The following ASXL1 variants were observed in gnomAD, a reference collection of about 807,000 sequenced individuals.
ASXL1 encodes ASXL transcriptional regulator 1.
ASXL1 carries 65 observed loss-of-function variants against 89.1 expected under a neutral mutation model. That is an observed-to-expected ratio of 0.73 (90% CI 0.60 to 0.90). The LOEUF is 0.90. Ranked by LOEUF, ASXL1 falls within the 40% of genes least tolerant of loss-of-function variation. The pLI is 0.00. For synonymous variants in ASXL1, 739 were observed against 746.9 expected, an observed-to-expected ratio of 0.99 and a Z score of 0.17; for missense variants, 1,786 against 1,942.9, an observed-to-expected ratio of 0.92 and a Z score of 1.52.
At chr20:32,381,873 T>C (rs1427246249) in intron 4 of ASXL1, among the ~76,000 whole-genome samples, 2 of 151,952 alleles carry the variant, frequency 1.3e-5, no homozygotes, top group African/African-American at 4.8e-5. Flanking sequence ...TTTATATCAG[T>C]TTTTGTTATA....
chr20:32,437,888 AG>A lies in ASXL1; in HGVS notation c.*551del, dbSNP rs1397151052. Reference sequence around the variant, plus strand: ...AGTTGAGTCATTTGCCAGTTGACGGAGCAAGTTTGACCTTGGTTCTGTTGCT... The same window carrying A: ...AGTTGAGTCATTTGCCAGTTGACGGACAAGTTTGACCTTGGTTCTGTTGCT... On this transcript the variant is annotated 3_prime_UTR_variant, in exon 13 of 13. Coordinates refer to ENST00000375687, the MANE Select transcript of ASXL1 (RefSeq NM_015338.6). 22 of 240,708 alleles carry A rather than the reference AG, an allele frequency of 9.1e-5. No individual in the cohort carries two copies. Among genetic ancestry groups the A allele is most frequent in the Non-Finnish European group, 1.5e-4 (18 of 122,468 alleles). 14.9% of individuals were successfully genotyped at this position (240,708 alleles called of 1,614,324 possible). A position where few individuals can be genotyped will look rare whatever the true frequency, so the allele number is the denominator to read the frequency against.
intron 4 of ASXL1, among the ~76,000 whole-genome samples, chr20:32,414,451 G>A (rs2049102411): frequency 6.6e-6 from 1 of 150,966 alleles, no homozygotes; most frequent in Non-Finnish European, 1.5e-5. Context: ...GTACGTGTCT[G>A]TGGTCCCGAC....
rs2012076564 is a variant in ASXL1 at position 32,439,026 on chromosome 20, A to G, written c.*1688A>G. ...ATTTTATCTGAAAGGTTTTTTTCTC[A>G]TTTAATCTGATGTGGCATTTTCGTC... On this transcript the variant is annotated 3_prime_UTR_variant, in exon 13 of 13. Transcript: ENST00000375687. 1 of 233,612 alleles carries G rather than the reference A, an allele frequency of 4.3e-6. No homozygotes were observed. Among genetic ancestry groups the G allele is most frequent in the East Asian group, 6.0e-5 (1 of 16,588 alleles). 14.5% of individuals were successfully genotyped at this position (233,612 alleles called of 1,614,324 possible).
chr20:32,359,021 G>T (rs1255572970), intron 1 of ASXL1, 189 bp downstream of exon 1: 2 of 644,810 alleles, frequency 3.1e-6, no homozygotes, highest in East Asian at 2.8e-5. Flanking sequence ...GGGATGTGGC[G>T]CCTTTTTCCG....
intron 8 of ASXL1, chr20:32,430,436 T>C (rs2011481588): frequency 3.9e-6 from 1 of 258,228 alleles, no homozygotes; most frequent in Admixed American, 5.0e-5. Context: ...CTGTAGTCTG[T>C]ATCAGACGCT....
At position 32,435,577 on chromosome 20, in the gene ASXL1, C is replaced by T. The variant is rs2011788316; in HGVS notation, c.2865C>T (p.Ser955=). 6.2e-7 allele frequency: 1 copy of T among 1,614,074 alleles called. No homozygotes were observed. The highest frequency in any genetic ancestry group is 8.5e-7 in the Non-Finnish European group (1 of 1,180,034). The change falls in exon 13 of 13, where the codon AGC becomes AGT. Residue 955 remains serine (S), a synonymous_variant. Coordinates refer to ENST00000375687, the MANE Select transcript of ASXL1 (RefSeq NM_015338.6). ...TAEEGLDPLD[S]LTSLWTVPSR... is the part of the protein sequence containing the mutation. The stretch of plus-strand genomic sequence containing the variant: ...AGGAGGGTCTAGATCCTCTTGACAG[C>T]CTTACTTCACTCTGGACTGTGCCAT...
At chr20:32,404,488 G>A (rs2424887) in intron 4 of ASXL1, among the ~76,000 whole-genome samples, 139,695 of 152,210 alleles carry the variant, frequency 0.92, 64,506 homozygotes, top group South Asian at 0.97. Context: ...GTGTTGATCT[G>A]TATTCTGTGA....
chr20:32,425,640 A>T (rs544320604), intron 4 of ASXL1, among the ~76,000 whole-genome samples: 1 of 152,074 alleles, frequency 6.6e-6, no homozygotes. Context: ...CCTCTTGTGC[A>T]GTGCCTAATT....
At position 32,435,247 on chromosome 20, in the gene ASXL1, C is replaced by T. The variant is rs1206610206; in HGVS notation, c.2535C>T (p.Pro845=). 13 of 1,613,948 alleles carry T rather than the reference C, an allele frequency of 8.1e-6. No individual in the cohort carries two copies. Among genetic ancestry groups the T allele is most frequent in the African/African-American group, 1.3e-5 (1 of 74,888 alleles). ...PTMKDPVNVT[P]SSTPESSPTD... is the part of the protein sequence containing the mutation. Reference sequence around the variant, plus strand: ...TGAAGGATCCTGTAAATGTGACCCCCAGTTCCACACCTGAATCCTCACCGA... The same window carrying T: ...TGAAGGATCCTGTAAATGTGACCCCTAGTTCCACACCTGAATCCTCACCGA... The change falls in exon 13 of 13, where the codon CCC becomes CCT. Residue 845 remains proline (P), a synonymous_variant. Coordinates refer to ENST00000375687, the MANE Select transcript of ASXL1 (RefSeq NM_015338.6).
At chr20:32,407,940 A>T (rs898821252) in intron 4 of ASXL1, among the ~76,000 whole-genome samples, 3 of 152,052 alleles carry the variant, frequency 2.0e-5, no homozygotes, top group African/African-American at 7.3e-5. Context: ...TTTATGTCAA[A>T]TTAATTTTTA....
At chr20:32,427,435 C>A (rs2011351623) in intron 4 of ASXL1, 1 of 154,754 alleles carries the variant, frequency 6.5e-6, no homozygotes. Context: ...GACTCCGGAA[C>A]AATCAAATTC....
intron 4 of ASXL1, among the ~76,000 whole-genome samples, chr20:32,382,111 C>T (rs2048497906): frequency 6.6e-6 from 1 of 151,878 alleles, no homozygotes. Flanking sequence ...ATGAGGCCAC[C>T]AGGCCTGGCT....
At chr20:32,368,506 CT>C (rs1377352648) in intron 3 of ASXL1, among the ~76,000 whole-genome samples, 2 of 152,106 alleles carry the variant, frequency 1.3e-5, no homozygotes, top group African/African-American at 4.8e-5. Flanking sequence ...AAATACTGTT[CT>C]TTTTGTGTAC....
chr20:32,428,451 A>G lies in ASXL1; in HGVS notation c.471+29A>G, dbSNP rs2011400538. 4 of 1,569,666 alleles carry G rather than the reference A, an allele frequency of 2.5e-6. No individual in the cohort carries two copies. The African/African-American group carries it at 5.4e-5, about 21-fold the overall frequency. ...AGGAAGAGGTAGAGCCTAGCCTGGG[A>G]GGATGAATGATGACAGGTATAAGGC... On this transcript the variant is annotated intron_variant, in intron 6 of 12. Transcript: ENST00000375687.
Position 32,374,382 on chromosome 20 carries a change from C to T in ASXL1, c.252+5259C>T, listed in dbSNP as rs374544888. Among the ~76,000 whole-genome samples, 9 of 152,178 alleles carry T rather than the reference C, an allele frequency of 5.9e-5. No homozygotes were observed. In the East Asian group the frequency reaches 9.6e-4, roughly 16 times the overall value. On this transcript the variant is annotated intron_variant, in intron 4 of 12. Coordinates refer to ENST00000375687, the MANE Select transcript of ASXL1 (RefSeq NM_015338.6). ...CATCATAGCTCACTACAACCTTGAGCGCCTGGGCTTAAGGAATCTTCCTGT... is the reference window on the plus strand; with the variant it reads ...CATCATAGCTCACTACAACCTTGAGTGCCTGGGCTTAAGGAATCTTCCTGT...
At chr20:32,412,021 G>A (rs2049057150) in intron 4 of ASXL1, among the ~76,000 whole-genome samples, 1 of 152,004 alleles carries the variant, frequency 6.6e-6, no homozygotes. Context: ...GATGTTCTGG[G>A]CTTAGCTTAT....
intron 4 of ASXL1, among the ~76,000 whole-genome samples, chr20:32,423,290 C>G (rs541753305): frequency 6.0e-4 from 91 of 151,946 alleles, no homozygotes; most frequent in Non-Finnish European, 7.9e-4. Context: ...AGTGCAATGG[C>G]ATGATCTCAG....
chr20:32,392,297 T>TC (rs1029194480), intron 4 of ASXL1, among the ~76,000 whole-genome samples: 3 of 150,282 alleles, frequency 2.0e-5, no homozygotes, highest in East Asian at 2.0e-4. Context: ...TTTTTTTTTT[T>TC]CCGAGATGGA....
In ASXL1 at chr20:32,439,134, GTC is replaced by G; in HGVS notation, c.*1798_*1799del. On this transcript the variant is annotated 3_prime_UTR_variant, in exon 13 of 13. Coordinates refer to ENST00000375687, the MANE Select transcript of ASXL1 (RefSeq NM_015338.6). ...CCAAGTCCAAGTTGTCAACTTAAGC[GTC>G]TGTTTACCAAAGACCGGGAACAGGG... is the stretch of plus-strand genomic sequence containing the variant. The G allele has an allele frequency of 4.3e-6, 1 of 233,556 alleles. No homozygotes were observed. The highest frequency in any genetic ancestry group is 1.3e-3 in the Middle Eastern group (1 of 786). 14.5% of individuals were successfully genotyped at this position (233,556 alleles called of 1,614,324 possible).
Sources: gnomAD v4.1 joint callset for allele counts (sites outside exome capture counted in the v4.1 genomes callset) on GRCh38, gnomAD v4.1.1 for gene constraint, MANE v1.5 for transcripts, NCBI Gene and HGNC (gene_info 2026-07-23, HGNC 2026-07-21) for gene names.